The following SEMA5A variants were observed in gnomAD, a reference collection of about 807,000 sequenced individuals.
SEMA5A encodes the protein semaphorin 5A.
SEMA5A carries 55 observed loss-of-function variants against 135.5 expected under a neutral mutation model. The observed-to-expected ratio is 0.41, with a 90% CI of 0.33 to 0.51. The LOEUF (loss-of-function observed/expected upper bound fraction) is 0.51, where lower values mean the gene tolerates loss of function less well. SEMA5A is among the 20% of genes least tolerant of loss of function. The pLI is 0.37. For missense variants in SEMA5A, 1,290 were observed against 1,419.9 expected (o/e 0.91, Z 1.47); for synonymous variants, 580 against 546.5 (o/e 1.06, Z -0.85).
chr5:9,212,360 T>A (rs1193152650), intron 8 of SEMA5A, among the ~76,000 whole-genome samples: 3 of 152,222 alleles, frequency 2.0e-5, no homozygotes, highest in Admixed American at 6.5e-5. Flanking sequence ...TTTTAATGCA[T>A]TAAAGCTGTT....
chr5:9,156,637 T>A (rs1742972509), intron 11 of SEMA5A, among the ~76,000 whole-genome samples: 1 of 152,208 alleles, frequency 6.6e-6, no homozygotes, highest in Non-Finnish European at 1.5e-5. Context: ...CAGGGGTGGG[T>A]GGCCTGCCTA....
rs557899187 is a variant in SEMA5A at position 9,458,200 on chromosome 5, C to T, written c.-174-20348G>A. On this transcript the variant is annotated intron_variant, in intron 1 of 22. Coordinates refer to ENST00000382496, the MANE Select transcript of SEMA5A (RefSeq NM_003966.3). ...GGGATTACAGGCGTGAGCCACCGCG[C>T]CTGGCCCAGCATCTCTCCTTTTATT... Among the ~76,000 whole-genome samples, 3 of 151,522 alleles carry T rather than the reference C, an allele frequency of 2.0e-5. No individual in the cohort carries two copies. In the South Asian group the frequency reaches 6.3e-4, roughly 32 times the overall value.
At chr5:9,220,801 A>G (rs1746903585) in intron 8 of SEMA5A, among the ~76,000 whole-genome samples, 1 of 152,186 alleles carries the variant, frequency 6.6e-6, no homozygotes, top group Admixed American at 6.5e-5. Context: ...TAAGATAGTT[A>G]AGGTAATGGC....
chr5:9,437,201 G>A (rs1054468207), intron 2 of SEMA5A, among the ~76,000 whole-genome samples: 5 of 152,212 alleles, frequency 3.3e-5, no homozygotes, highest in African/African-American at 1.2e-4. Flanking sequence ...ACACTGGGGC[G>A]CAGAAGATGC....
At chr5:9,136,307 A>T (rs185886405) in intron 13 of SEMA5A, among the ~76,000 whole-genome samples, 197 bp downstream of exon 13, 1 of 152,208 alleles carries the variant, frequency 6.6e-6, no homozygotes, top group African/African-American at 2.4e-5. Flanking sequence ...TCAAACAGAC[A>T]AAAAAACCTA....
intron 5 of SEMA5A, among the ~76,000 whole-genome samples, chr5:9,263,207 C>G (rs1243733463): frequency 6.6e-6 from 1 of 152,106 alleles, no homozygotes; most frequent in Non-Finnish European, 1.5e-5. Flanking sequence ...ATTCCCCATT[C>G]TTTTTTACTC....
chr5:9,044,801 T>G (rs1349644053), intron 21 of SEMA5A, among the ~76,000 whole-genome samples: 2 of 152,004 alleles, frequency 1.3e-5, no homozygotes, highest in African/African-American at 4.8e-5. Context: ...TATTATTATT[T>G]GAAATGGAGT....
chr5:9,265,421 A>G (rs1331652350), intron 5 of SEMA5A: 1 of 456,078 alleles, frequency 2.2e-6, no homozygotes, highest in Non-Finnish European at 4.4e-6. Context: ...TATGGAAACC[A>G]CAGGCATCCT....
intron 15 of SEMA5A, among the ~76,000 whole-genome samples, chr5:9,113,706 A>G (rs1376066899): frequency 6.6e-6 from 1 of 152,266 alleles, no homozygotes; most frequent in Non-Finnish European, 1.5e-5. Context: ...AAGATGCTCA[A>G]CAATATTAGT....
intron 5 of SEMA5A, among the ~76,000 whole-genome samples, chr5:9,284,851 A>T (rs1750716145): frequency 6.6e-6 from 1 of 152,222 alleles, no homozygotes; most frequent in Admixed American, 6.5e-5. Context: ...TGCTTCAATT[A>T]TAGTTCTATT....
At chr5:9,493,952 C>T (rs558779654) in intron 1 of SEMA5A, among the ~76,000 whole-genome samples, 2 of 152,312 alleles carry the variant, frequency 1.3e-5, no homozygotes, top group East Asian at 3.9e-4. Flanking sequence ...ATAACTTTAA[C>T]AAGCAGCATC....
At position 9,037,058 on chromosome 5, in the gene SEMA5A, C is replaced by T. The variant is rs1735689738; in HGVS notation, c.*5839G>A. On this transcript the variant is annotated 3_prime_UTR_variant, in exon 23 of 23. Coordinates refer to ENST00000382496, the MANE Select transcript of SEMA5A (RefSeq NM_003966.3). ...AAAAGGCTGAGAAAGAACAAGATCA[C>T]ATTTCAACTACTGGCCCCAGATTTT... The T allele has an allele frequency of 6.6e-6, 1 of 152,204 alleles. No homozygotes were observed. The highest frequency in any genetic ancestry group is 2.4e-5 in the African/African-American group (1 of 41,442). The allele number at this position is 152,204 out of a possible 1,614,324, so 9.4% of individuals were successfully genotyped here. A position where few individuals can be genotyped will look rare whatever the true frequency, so the allele number is the denominator to read the frequency against.
chr5:9,442,281 C>T (rs190939916), intron 1 of SEMA5A, among the ~76,000 whole-genome samples: 18 of 152,302 alleles, frequency 1.2e-4, no homozygotes, highest in Non-Finnish European at 2.1e-4. Context: ...GGTCAATTCT[C>T]AATAAAAACT....
At chr5:9,262,900 A>T (rs1749470772) in intron 5 of SEMA5A, among the ~76,000 whole-genome samples, 1 of 146,670 alleles carries the variant, frequency 6.8e-6, no homozygotes, top group Admixed American at 6.8e-5. Flanking sequence ...TTATAATAAA[A>T]AAAAAAAATT....
intron 4 of SEMA5A, among the ~76,000 whole-genome samples, chr5:9,331,359 C>A (rs901955924): frequency 6.6e-6 from 1 of 152,238 alleles, no homozygotes; most frequent in South Asian, 2.1e-4. Context: ...TAAATAGAAG[C>A]CTACCGTTTA....
intron 12 of SEMA5A, among the ~76,000 whole-genome samples, chr5:9,150,804 CG>C (rs1438720772): frequency 6.6e-6 from 1 of 152,158 alleles, no homozygotes; most frequent in Non-Finnish European, 1.5e-5. Context: ...AAGAGGCTAA[CG>C]GGAAGGGGGT....
At chr5:9,346,528 G>T (rs923159464) in intron 3 of SEMA5A, among the ~76,000 whole-genome samples, 4 of 152,174 alleles carry the variant, frequency 2.6e-5, no homozygotes, top group Non-Finnish European at 5.9e-5. Context: ...GGGGTCACAG[G>T]TTCCCCACTA....
intron 16 of SEMA5A, among the ~76,000 whole-genome samples, chr5:9,095,558 T>C (rs1238619720): frequency 6.6e-6 from 1 of 152,200 alleles, no homozygotes; most frequent in Non-Finnish European, 1.5e-5. Flanking sequence ...AAATAGTCAA[T>C]GTTTTGAAAT....
In SEMA5A at chr5:9,073,483, AC is replaced by A. The variant is rs1422144704; in HGVS notation, c.2074-6838del. The stretch of plus-strand genomic sequence containing the variant: ...ATCTCATGAAGGATATCTATTAAAA[AC>A]CTACAGACTGAATCACACTTAATGG... On this transcript the variant is annotated intron_variant, in intron 16 of 22. Transcript: ENST00000382496. Among the ~76,000 whole-genome samples the A allele has an allele frequency of 4.6e-5, 7 of 152,246 alleles. No homozygotes were observed. The South Asian group carries it at 1.0e-3, about 23-fold the overall frequency.
Sources: allele counts gnomAD v4.1 joint callset (sites outside exome capture counted in the v4.1 genomes callset), GRCh38; gene constraint gnomAD v4.1.1; transcripts MANE v1.5; gene names NCBI Gene and HGNC (gene_info 2026-07-23, HGNC 2026-07-21).